Variants in SCD5 observed in about 807,000 individuals in gnomAD.
SCD5 encodes the protein stearoyl-CoA desaturase 5.
In SCD5, 20 loss-of-function variants were observed where a neutral mutation model predicts 30.4. The observed-to-expected ratio is 0.66, with a 90% CI of 0.46 to 0.96. The LOEUF is 0.96. Ranked by LOEUF, SCD5 falls within the 40% of genes least tolerant of loss-of-function variation. The pLI is 0.00. For synonymous variants in SCD5, 173 were observed against 176.4 expected (o/e 0.98, Z 0.16); for missense variants, 381 against 443.3 (o/e 0.86, Z 1.26).
intron 1 of SCD5, among the ~76,000 whole-genome samples, chr4:82,705,836 G>A (rs1005455042): frequency 2.0e-5 from 3 of 152,144 alleles, no homozygotes; most frequent in Admixed American, 2.0e-4. Flanking sequence ...TTTCTAAGTG[G>A]CAGTGCCCAT....
At chr4:82,789,891 G>C (rs1722064398) in intron 1 of SCD5, among the ~76,000 whole-genome samples, 1 of 152,218 alleles carries the variant, frequency 6.6e-6, no homozygotes. Flanking sequence ...GAAGGGGAAG[G>C]AGGACAGGCT....
At chr4:82,753,795 C>G (rs1163965132) in intron 1 of SCD5, among the ~76,000 whole-genome samples, 2 of 152,098 alleles carry the variant, frequency 1.3e-5, no homozygotes, top group Non-Finnish European at 2.9e-5. Flanking sequence ...ACCCCCCTGA[C>G]AGAAGTCTAT....
intron 2 of SCD5, among the ~76,000 whole-genome samples, chr4:82,696,395 G>A (rs553172542): frequency 1.3e-5 from 2 of 152,306 alleles, no homozygotes; most frequent in East Asian, 3.9e-4. Context: ...GATAAACAAG[G>A]ACCAATGATG....
intron 3 of SCD5, among the ~76,000 whole-genome samples, chr4:82,658,467 C>CTTTTTTT (rs33912415): frequency 1.9e-4 from 20 of 105,542 alleles, no homozygotes; most frequent in Admixed American, 3.4e-4. Context: ...GGTGGATAAG[C>CTTTTTTT]TTTTTTTTTT....
In SCD5 at chr4:82,738,314, C is replaced by T. The variant is rs551197753; in HGVS notation, c.233-32901G>A. Among the ~76,000 whole-genome samples, 196 of 151,196 alleles carry T rather than the reference C, an allele frequency of 1.3e-3. 2 individuals carry two copies. Among genetic ancestry groups the T allele is most frequent in the African/African-American group, 2.4e-3 (98 of 40,876 alleles). On this transcript the variant is annotated intron_variant, in intron 1 of 4. Transcript: ENST00000319540. The stretch of plus-strand genomic sequence containing the variant: ...GCGTGCGTCTGTGGTCCCAGCTACT[C>T]GGGAGACTGAGGCAGGAAAATCGCT...
chr4:82,685,725 A>C (rs541235965), intron 2 of SCD5, among the ~76,000 whole-genome samples: 1 of 151,794 alleles, frequency 6.6e-6, no homozygotes. Flanking sequence ...AAACAAAACA[A>C]ACAAAAAAAA....
chr4:82,646,497 G>C (rs1727636812), intron 3 of SCD5, among the ~76,000 whole-genome samples: 1 of 152,162 alleles, frequency 6.6e-6, no homozygotes, highest in Non-Finnish European at 1.5e-5. Context: ...AGTTGAAAAT[G>C]GGTTTTCTCT....
intron 3 of SCD5, among the ~76,000 whole-genome samples, chr4:82,657,297 A>G (rs1426960198): frequency 1.3e-5 from 2 of 152,204 alleles, no homozygotes; most frequent in African/African-American, 2.4e-5. Flanking sequence ...GAAAGGGTCC[A>G]GTTTCAGTTT....
intron 2 of SCD5, among the ~76,000 whole-genome samples, chr4:82,686,966 T>C (rs1217387165): frequency 6.6e-6 from 1 of 151,270 alleles, no homozygotes; most frequent in Non-Finnish European, 1.5e-5. Flanking sequence ...AGATCAGGAG[T>C]TTGAGACCAG....
Position 82,742,371 on chromosome 4 carries a change from C to T in SCD5, c.233-36958G>A, listed in dbSNP as rs1880720. Among the ~76,000 whole-genome samples, 208 of 152,288 alleles carry T rather than the reference C, an allele frequency of 1.4e-3. 1 individual carries two copies. Among genetic ancestry groups the T allele is most frequent in the African/African-American group, 4.7e-3 (194 of 41,562 alleles). On this transcript the variant is annotated intron_variant, in intron 1 of 4. Coordinates refer to ENST00000319540, the MANE Select transcript of SCD5 (RefSeq NM_001037582.3). Reference sequence around the variant, plus strand: ...GAGCTGGTGTGAGGTCTGACCGGGTCCTGTCTCACAGGGCCACCTACTGGA... The same window carrying T: ...GAGCTGGTGTGAGGTCTGACCGGGTTCTGTCTCACAGGGCCACCTACTGGA...
At chr4:82,700,768 C>A in intron 2 of SCD5, among the ~76,000 whole-genome samples, 1 of 126,448 alleles carries the variant, frequency 7.9e-6, no homozygotes, top group African/African-American at 2.9e-5. Flanking sequence ...GCCTGGGTGA[C>A]GGAGTGAGAC....
chr4:82,633,892 G>A (rs961713480), intron 4 of SCD5, among the ~76,000 whole-genome samples: 7 of 151,984 alleles, frequency 4.6e-5, no homozygotes, highest in African/African-American at 1.7e-4. Context: ...TCTCCAAAAA[G>A]ACCCACATGC....
intron 3 of SCD5, among the ~76,000 whole-genome samples, chr4:82,668,801 G>A (rs1728244946): frequency 6.6e-6 from 1 of 152,140 alleles, no homozygotes; most frequent in Non-Finnish European, 1.5e-5. Flanking sequence ...GGCAGAGCAT[G>A]GTTGTACTTA....
At chr4:82,676,825 A>T (rs1728446837) in intron 3 of SCD5, among the ~76,000 whole-genome samples, 1 of 152,146 alleles carries the variant, frequency 6.6e-6, no homozygotes, top group Non-Finnish European at 1.5e-5. Context: ...TCTCCCTTGC[A>T]CCTCCTAATG....
At chr4:82,726,192 G>T (rs1260180592) in intron 1 of SCD5, among the ~76,000 whole-genome samples, 1 of 152,190 alleles carries the variant, frequency 6.6e-6, no homozygotes, top group South Asian at 2.1e-4. Context: ...GCCAAAGCAG[G>T]CAGATCACCT....
At chr4:82,738,233 G>T (rs988730747) in intron 1 of SCD5, among the ~76,000 whole-genome samples, 1 of 152,260 alleles carries the variant, frequency 6.6e-6, no homozygotes, top group African/African-American at 2.4e-5. Flanking sequence ...GACCATCCTG[G>T]CCAACATGGT....
chr4:82,643,777 T>C (rs999197896), intron 3 of SCD5, among the ~76,000 whole-genome samples: 4 of 152,288 alleles, frequency 2.6e-5, no homozygotes, highest in East Asian at 1.9e-4. Context: ...TCCTCAACAA[T>C]AGAAAGAGCA....
intron 3 of SCD5, among the ~76,000 whole-genome samples, chr4:82,667,951 T>C (rs1380108421): frequency 1.3e-5 from 2 of 152,092 alleles, no homozygotes; most frequent in African/African-American, 4.8e-5. Flanking sequence ...AGAGGAAATA[T>C]TTACATTCAC....
At chr4:82,665,025 A>ATATATATATATAT (rs1728146064) in intron 3 of SCD5, among the ~76,000 whole-genome samples, 1 of 21,926 alleles carries the variant, frequency 4.6e-5, no homozygotes. Context: ...ATATATGTAT[A>ATATATATATATAT]ATACACACAC....
Sources: gnomAD v4.1 joint callset for allele counts (sites outside exome capture counted in the v4.1 genomes callset) on GRCh38, gnomAD v4.1.1 for gene constraint, MANE v1.5 for transcripts, NCBI Gene and HGNC (gene_info 2026-07-23, HGNC 2026-07-21) for gene names.